Variants in PCDH15 observed in about 807,000 individuals in gnomAD.
PCDH15 encodes the protein protocadherin-15.
PCDH15 carries 129 observed loss-of-function variants against 178.5 expected under a neutral mutation model. That is an observed-to-expected ratio of 0.72 (90% confidence interval 0.63 to 0.84). The LOEUF (loss-of-function observed/expected upper bound fraction) is 0.84, where lower values mean the gene tolerates loss of function less well. PCDH15 is among the 40% of genes least tolerant of loss of function. The pLI, the probability that PCDH15 is intolerant of heterozygous loss-of-function variation, is 0.00. For missense variants in PCDH15, 2,230 were observed against 2,099.9 expected (o/e 1.06, Z -1.21); for synonymous variants, 800 against 732.0 (o/e 1.09, Z -1.50).
chr10:54,430,115 G>A (rs551118047), intron 3 of PCDH15, among the ~76,000 whole-genome samples: 8 of 137,800 alleles, frequency 5.8e-5, no homozygotes, highest in Non-Finnish European at 1.2e-4. Context: ...GAGTGCAACT[G>A]TGTGATCTCG....
intron 3 of PCDH15, among the ~76,000 whole-genome samples, chr10:54,852,738 A>T (rs1294395417): frequency 6.6e-6 from 1 of 151,848 alleles, no homozygotes; most frequent in East Asian, 1.9e-4. Context: ...CTGTAATCCC[A>T]GCTACTCAGG....
intron 8 of PCDH15, among the ~76,000 whole-genome samples, chr10:54,244,439 T>A (rs1245721730): frequency 1.3e-5 from 2 of 152,196 alleles, no homozygotes; most frequent in African/African-American, 4.8e-5. Context: ...GTAATTATTT[T>A]CCATGAATAA....
intron 1 of PCDH15, among the ~76,000 whole-genome samples, chr10:55,297,877 G>A (rs1354526229): frequency 6.6e-6 from 1 of 151,974 alleles, no homozygotes; most frequent in African/African-American, 2.4e-5. Context: ...CCACCCACTA[G>A]CAATCATAGA....
chr10:55,361,601 A>G (rs1845231201), intron 2 of PCDH15, among the ~76,000 whole-genome samples: 1 of 152,054 alleles, frequency 6.6e-6, no homozygotes, highest in African/African-American at 2.4e-5. Context: ...CTAATCATAG[A>G]AAATAGCCTC....
chr10:55,183,312 T>C (rs1174839632), intron 1 of PCDH15, among the ~76,000 whole-genome samples: 1 of 151,970 alleles, frequency 6.6e-6, no homozygotes, highest in Non-Finnish European at 1.5e-5. Flanking sequence ...TATAAAAACA[T>C]AGTAGCAATT....
chr10:54,726,774 C>T (rs528186419), intron 1 of PCDH15, among the ~76,000 whole-genome samples: 13 of 149,858 alleles, frequency 8.7e-5, no homozygotes, highest in Admixed American at 2.0e-4. Flanking sequence ...AAGCACTACA[C>T]AGCAGAATAG....
intron 2 of PCDH15, among the ~76,000 whole-genome samples, chr10:55,546,947 A>G (rs542698427): frequency 6.6e-6 from 1 of 152,218 alleles, no homozygotes; most frequent in Admixed American, 6.6e-5. Flanking sequence ...CCTGTGAAAG[A>G]ATAAGGGAAA....
intron 21 of PCDH15, among the ~76,000 whole-genome samples, chr10:53,988,647 G>A (rs936349751): frequency 1.3e-5 from 2 of 152,080 alleles, no homozygotes; most frequent in African/African-American, 4.8e-5. Context: ...TACCCTTTCA[G>A]AGGGTCTGTT....
chr10:54,180,241 G>A (rs999125875), intron 13 of PCDH15, among the ~76,000 whole-genome samples: 1 of 152,138 alleles, frequency 6.6e-6, no homozygotes, highest in Non-Finnish European at 1.5e-5. Flanking sequence ...AAAAAATCAA[G>A]TGTAAGAGAC....
chr10:55,416,110 C>T (rs1265133515), intron 2 of PCDH15, among the ~76,000 whole-genome samples: 2 of 151,566 alleles, frequency 1.3e-5, no homozygotes, highest in African/African-American at 4.8e-5. Flanking sequence ...CAAAGAAAGA[C>T]ATATATAATA....
chr10:55,044,962 A>G (rs958156483), intron 2 of PCDH15, among the ~76,000 whole-genome samples: 1 of 152,084 alleles, frequency 6.6e-6, no homozygotes, highest in Non-Finnish European at 1.5e-5. Flanking sequence ...TTCACAAAAT[A>G]TTATATGTTT....
At chr10:53,897,782 T>C (rs1322611657) in intron 26 of PCDH15, among the ~76,000 whole-genome samples, 1 of 152,136 alleles carries the variant, frequency 6.6e-6, no homozygotes, top group African/African-American at 2.4e-5. Context: ...AGTAGAGTCA[T>C]ACAATATTTG....
chr10:55,085,667 A>T (rs80242297), intron 2 of PCDH15, among the ~76,000 whole-genome samples: 6,133 of 151,866 alleles, frequency 0.04, 290 homozygotes, highest in East Asian at 0.14. Context: ...AACTGTTTTT[A>T]TGCCTCAAAA....
chr10:53,951,163 A>G (rs2086995535), intron 23 of PCDH15, among the ~76,000 whole-genome samples: 1 of 152,268 alleles, frequency 6.6e-6, no homozygotes, highest in Admixed American at 6.5e-5. Flanking sequence ...ATTTCTAATG[A>G]AAAACAAATT....
At chr10:54,094,964 A>G (rs573730658) in intron 15 of PCDH15, among the ~76,000 whole-genome samples, 1 of 152,118 alleles carries the variant, frequency 6.6e-6, no homozygotes, top group Non-Finnish European at 1.5e-5. Context: ...AAGAAAACAA[A>G]TTTTCTCTAA....
intron 6 of PCDH15, among the ~76,000 whole-genome samples, chr10:54,333,322 G>A (rs1373270414): frequency 6.6e-6 from 1 of 152,032 alleles, no homozygotes; most frequent in Non-Finnish European, 1.5e-5. Flanking sequence ...TGGTGCTTCT[G>A]AAATGTTGCA....
chr10:53,942,267 T>A (rs1272304298), intron 23 of PCDH15, among the ~76,000 whole-genome samples: 2 of 74,690 alleles, frequency 2.7e-5, no homozygotes, highest in Non-Finnish European at 8.3e-5. Context: ...GTTTATTTAC[T>A]TACTTATTTT....
At chr10:54,073,032 T>C (rs924452143) in intron 17 of PCDH15, among the ~76,000 whole-genome samples, 1 of 152,196 alleles carries the variant, frequency 6.6e-6, no homozygotes, top group Non-Finnish European at 1.5e-5. Flanking sequence ...ATTTATACAT[T>C]ATTGTCTAAG....
At chr10:55,077,482 TTTCCTTCCTTCTTTCCTTTCCTTCC>T (rs1841935909) in intron 2 of PCDH15, among the ~76,000 whole-genome samples, 1 of 148,896 alleles carries the variant, frequency 6.7e-6, no homozygotes, top group Non-Finnish European at 1.5e-5. Context: ...CCTTCTTTCC[TTTCCTTCCTTCTTTCCTTTCCTTCC>T]TTCCTTCCTT....
Sources: gnomAD v4.1 joint callset for allele counts (sites outside exome capture counted in the v4.1 genomes callset) on GRCh38, gnomAD v4.1.1 for gene constraint, MANE v1.5 for transcripts, NCBI Gene and HGNC (gene_info 2026-07-23, HGNC 2026-07-21) for gene names.